RSRC1: variants seen among roughly 807,000 people sequenced by gnomAD.
The protein encoded by RSRC1 is arginine and serine rich coiled-coil 1.
RSRC1 carries 39 observed loss-of-function variants against 49.1 expected under a neutral mutation model. The observed-to-expected ratio is 0.79, with a 90% CI of 0.61 to 1.04. The LOEUF (loss-of-function observed/expected upper bound fraction) is 1.04. Among genes scored for constraint, RSRC1 ranks in the 50% least tolerant of loss-of-function variants. The pLI is 0.00. For synonymous variants in RSRC1, 143 were observed against 130.8 expected (o/e 1.09, Z -0.63); for missense variants, 388 against 402.4 (o/e 0.96, Z 0.31).
intron 6 of RSRC1, among the ~76,000 whole-genome samples, chr3:158,397,166 A>G (rs965875258): frequency 6.6e-6 from 1 of 152,176 alleles, no homozygotes; most frequent in Admixed American, 6.6e-5. Flanking sequence ...AGCTGAATCA[A>G]TTCTTAGGGA....
rs1739890754 is a variant in RSRC1 at position 158,507,027 on chromosome 3, G to A, written c.653-30065G>A. Among the ~76,000 whole-genome samples the A allele has an allele frequency of 2.0e-5, 3 of 152,086 alleles. 1 individual carries two copies. In the South Asian group the frequency reaches 6.2e-4, roughly 32 times the overall value. On this transcript the variant is annotated intron_variant, in intron 7 of 9. Coordinates refer to ENST00000611884, the MANE Select transcript of RSRC1 (RefSeq NM_001271838.2). ...GATGAATGGATTTTTAAAATGTGTTGTATATATACACAATGGAATATTATT... is the reference window on the plus strand; with the variant it reads ...GATGAATGGATTTTTAAAATGTGTTATATATATACACAATGGAATATTATT...
chr3:158,339,462 A>G (rs1272600969), intron 5 of RSRC1, among the ~76,000 whole-genome samples: 1 of 152,160 alleles, frequency 6.6e-6, no homozygotes, highest in East Asian at 1.9e-4. Flanking sequence ...TTGCCATTGT[A>G]TTACCAAATA....
chr3:158,281,956 C>G (rs1033143556), intron 4 of RSRC1, among the ~76,000 whole-genome samples: 3 of 152,100 alleles, frequency 2.0e-5, no homozygotes, highest in Non-Finnish European at 2.9e-5. Context: ...TCAGACATAC[C>G]CATTGGCAAT....
intron 3 of RSRC1, among the ~76,000 whole-genome samples, chr3:158,170,534 A>G (rs1300718176): frequency 6.6e-6 from 1 of 152,148 alleles, no homozygotes; most frequent in Non-Finnish European, 1.5e-5. Flanking sequence ...CAACTACTTT[A>G]CAGTTTGGAA....
At chr3:158,387,379 A>G (rs1733023631) in intron 6 of RSRC1, among the ~76,000 whole-genome samples, 1 of 152,160 alleles carries the variant, frequency 6.6e-6, no homozygotes, top group Admixed American at 6.5e-5. Context: ...GACCAGTATA[A>G]TCAAGTGAAT....
intron 3 of RSRC1, among the ~76,000 whole-genome samples, chr3:158,200,641 C>T (rs1464018837): frequency 6.6e-6 from 1 of 151,756 alleles, no homozygotes; most frequent in Non-Finnish European, 1.5e-5. Context: ...GACTTTTTAG[C>T]TATACTTATT....
Position 158,484,285 on chromosome 3 carries a change from A to G in RSRC1, c.652+23282A>G, listed in dbSNP as rs141269317. On this transcript the variant is annotated intron_variant, in intron 7 of 9. Transcript: ENST00000611884. ...GGAGACAGTTTAATTTGCTCCATTT[A>G]TATGAACAAGTCATGTGGCACATGC... 8.5e-5 allele frequency among the ~76,000 whole-genome samples: 13 copies of G among 152,238 alleles called. No individual in the cohort carries two copies. The East Asian group carries it at 2.5e-3, about 29-fold the overall frequency.
chr3:158,272,912 T>G (rs1454335600), intron 4 of RSRC1, among the ~76,000 whole-genome samples: 1 of 152,060 alleles, frequency 6.6e-6, no homozygotes, highest in Non-Finnish European at 1.5e-5. Context: ...TAAATGTGTT[T>G]TTTCTGAACT....
chr3:158,194,867 G>A (rs973737339), intron 3 of RSRC1, among the ~76,000 whole-genome samples: 1 of 152,026 alleles, frequency 6.6e-6, no homozygotes, highest in Admixed American at 6.6e-5. Context: ...TGGTGTATAT[G>A]TGCCACATTT....
At chr3:158,526,252 G>C (rs62287900) in intron 7 of RSRC1, among the ~76,000 whole-genome samples, 1 of 151,800 alleles carries the variant, frequency 6.6e-6, no homozygotes, top group African/African-American at 2.4e-5. Flanking sequence ...AAATAAGCAC[G>C]TAAAATCATA....
chr3:158,195,753 G>T (rs185589265), intron 3 of RSRC1, among the ~76,000 whole-genome samples: 1 of 152,058 alleles, frequency 6.6e-6, no homozygotes, highest in Admixed American at 6.6e-5. Context: ...ATTAAATAGG[G>T]AATCCTTTCC....
chr3:158,351,013 C>CT (rs961296321), intron 5 of RSRC1, among the ~76,000 whole-genome samples: 49 of 152,052 alleles, frequency 3.2e-4, no homozygotes, highest in Admixed American at 2.2e-3. Context: ...TTAATCCTTT[C>CT]TTTAAAAAAA....
chr3:158,340,922 A>C lies in RSRC1; in HGVS notation c.532-13935A>C, dbSNP rs1018238018. The stretch of plus-strand genomic sequence containing the variant: ...TCCAGGCTGAGGTGGTCACAGATGG[A>C]GATGAGGAACTTGTTGGGAACTGGA... On this transcript the variant is annotated intron_variant, in intron 5 of 9. Transcript: ENST00000611884. Among the ~76,000 whole-genome samples the C allele has an allele frequency of 5.3e-5, 8 of 152,174 alleles. No individual in the cohort carries two copies. In the South Asian group the frequency reaches 1.4e-3, roughly 28 times the overall value.
At chr3:158,343,563 G>A (rs1185635830) in intron 5 of RSRC1, among the ~76,000 whole-genome samples, 1 of 152,192 alleles carries the variant, frequency 6.6e-6, no homozygotes, top group Non-Finnish European at 1.5e-5. Context: ...TATTATAACT[G>A]TATTGCACCT....
At chr3:158,143,211 G>C (rs1288282069) in intron 3 of RSRC1, among the ~76,000 whole-genome samples, 1 of 152,068 alleles carries the variant, frequency 6.6e-6, no homozygotes, top group Non-Finnish European at 1.5e-5. Flanking sequence ...TTGAAATCTT[G>C]GAGGGAACCT....
chr3:158,295,915 T>C (rs893087692), intron 4 of RSRC1, among the ~76,000 whole-genome samples: 6 of 152,092 alleles, frequency 3.9e-5, no homozygotes, highest in Admixed American at 2.6e-4. Context: ...AATGAAGCTA[T>C]TTACAGTCTT....
intron 5 of RSRC1, among the ~76,000 whole-genome samples, chr3:158,298,768 T>C (rs1727375226): frequency 6.6e-6 from 1 of 152,220 alleles, no homozygotes; most frequent in African/African-American, 2.4e-5. Context: ...AGTCATCCTC[T>C]GGTTTCTGGT....
At chr3:158,255,140 A>G (rs574999775) in intron 4 of RSRC1, among the ~76,000 whole-genome samples, 3 of 152,226 alleles carry the variant, frequency 2.0e-5, no homozygotes, top group East Asian at 3.9e-4. Context: ...GTCCTTGCCC[A>G]TGCCTGTGTC....
At chr3:158,172,635 G>A (rs138234536) in intron 3 of RSRC1, among the ~76,000 whole-genome samples, 4 of 152,196 alleles carry the variant, frequency 2.6e-5, no homozygotes, top group African/African-American at 9.6e-5. Flanking sequence ...ATTTTCACCA[G>A]GGAATGTGAA....
Sources: allele counts gnomAD v4.1 joint callset (sites outside exome capture counted in the v4.1 genomes callset), GRCh38; gene constraint gnomAD v4.1.1; transcripts MANE v1.5; gene names NCBI Gene and HGNC (gene_info 2026-07-23, HGNC 2026-07-21).